Variants in LPIN1 observed in about 807,000 individuals in gnomAD.
LPIN1 encodes the protein lipin 1.
Under a neutral mutation model 107.5 loss-of-function variants are expected in LPIN1, and 71 were observed. The observed-to-expected ratio is 0.66, with a 90% CI of 0.55 to 0.80. LPIN1 has a LOEUF of 0.80. Ranked by LOEUF, LPIN1 falls within the 30% of genes least tolerant of loss-of-function variation. LPIN1 has a pLI of 0.00. For synonymous variants in LPIN1, 445 were observed against 452.6 expected, an observed-to-expected ratio of 0.98 and a Z score of 0.21; for missense variants, 1,043 against 1,160.6, an observed-to-expected ratio of 0.90 and a Z score of 1.47.
At position 11,737,741 on chromosome 2, in the gene LPIN1, T is replaced by C. The variant is rs1434363807; in HGVS notation, c.-71-3608T>C. On this transcript the variant is annotated intron_variant, in intron 1 of 21. Coordinates refer to the LPIN1 transcript ENST00000396097. ...CATCAAAAAGTCAGGAAACAACAGA[T>C]GCTGGAGAGGATGTGGAGAAATAGG... 2.0e-5 allele frequency among the ~76,000 whole-genome samples: 3 copies of C among 152,210 alleles called. No homozygotes were observed. The East Asian group carries it at 5.8e-4, about 29-fold the overall frequency.
chr2:11,784,133 C>A (rs1006241579), intron 9 of LPIN1: 4 of 836,172 alleles, frequency 4.8e-6, no homozygotes, highest in African/African-American at 1.7e-5. Flanking sequence ...GGTGAATCCT[C>A]GTTCTACTGA....
At chr2:11,776,038 C>A (rs1303941189) in intron 5 of LPIN1, 48 bp from the exon 6 acceptor site, 1 of 958,474 alleles carries the variant, frequency 1.0e-6, no homozygotes. Flanking sequence ...ATGTAATTGA[C>A]CTCTGATTTT....
intron 17 of LPIN1, among the ~76,000 whole-genome samples, chr2:11,812,560 G>A (rs1017113645): frequency 1.3e-5 from 2 of 152,196 alleles, no homozygotes; most frequent in African/African-American, 2.4e-5. Context: ...CAGGAGGAAC[G>A]GCATGGGCAA....
intron 14 of LPIN1, among the ~76,000 whole-genome samples, chr2:11,799,436 GTTC>G (rs561001458): frequency 6.1e-4 from 89 of 146,178 alleles, no homozygotes; most frequent in African/African-American, 2.0e-3. Context: ...CTGTAGCCTC[GTTC>G]TTCTTCTGCT....
At chr2:11,779,197 G>C (rs906540613) in intron 6 of LPIN1, among the ~76,000 whole-genome samples, 1 of 152,158 alleles carries the variant, frequency 6.6e-6, no homozygotes, top group Non-Finnish European at 1.5e-5. Context: ...GGGGAAGGGT[G>C]GTCTTTTTGA....
intron 1 of LPIN1, among the ~76,000 whole-genome samples, chr2:11,737,711 G>A (rs1665929234): frequency 6.6e-6 from 1 of 152,208 alleles, no homozygotes; most frequent in African/African-American, 2.4e-5. Context: ...AGTTAGAATG[G>A]CGATCATCAA....
intron 1 of LPIN1, among the ~76,000 whole-genome samples, chr2:11,681,957 G>T (rs1241163891): frequency 6.6e-6 from 1 of 152,186 alleles, no homozygotes; most frequent in Admixed American, 6.5e-5. Flanking sequence ...CCAGGGAAAG[G>T]GTCCACTTCT....
In LPIN1 at chr2:11,760,573, C is replaced by T. The variant is rs371227304; in HGVS notation, c.-9-4960C>T. On this transcript the variant is annotated intron_variant, in intron 1 of 20. Coordinates refer to ENST00000674199, the MANE Select transcript of LPIN1 (RefSeq NM_001349206.2). Reference sequence around the variant, plus strand: ...GCGCACGCCTGCAATCGCAGGCACTCGGCAGGTTGAGGCAGGAGAATCAGG... The same window carrying T: ...GCGCACGCCTGCAATCGCAGGCACTTGGCAGGTTGAGGCAGGAGAATCAGG... Among the ~76,000 whole-genome samples the T allele has an allele frequency of 5.3e-3, 811 of 152,278 alleles. 6 individuals carry two copies. The highest frequency in any genetic ancestry group is 0.01 in the Middle Eastern group (3 of 294).
At chr2:11,781,476 C>A (rs1673561726) in intron 7 of LPIN1, among the ~76,000 whole-genome samples, 1 of 152,190 alleles carries the variant, frequency 6.6e-6, no homozygotes, top group African/African-American at 2.4e-5. Flanking sequence ...CTCTTTTTAG[C>A]CCATGAATTG....
At chr2:11,768,964 A>C (rs1558857228) in intron 3 of LPIN1, among the ~76,000 whole-genome samples, 1 of 151,994 alleles carries the variant, frequency 6.6e-6, no homozygotes, top group African/African-American at 2.4e-5. Flanking sequence ...AACCAAAAAA[A>C]CCCAAAAAAA....
In LPIN1 at chr2:11,804,331, C is replaced by T. The variant is rs867561577; in HGVS notation, c.2014-92C>T. ...CAGGGCAGTCACTTGTTTTTAAAGC[C>T]GAATCCTGCTTCTCATAGAACAGAA... On this transcript the variant is annotated intron_variant, in intron 15 of 20. Coordinates refer to ENST00000674199, the MANE Select transcript of LPIN1 (RefSeq NM_001349206.2). The T allele has an allele frequency of 4.0e-5, 57 of 1,422,724 alleles. No homozygotes were observed. The Middle Eastern group carries it at 1.2e-3, about 31-fold the overall frequency. 88.1% of individuals were successfully genotyped at this position (1,422,724 alleles called of 1,614,324 possible). A position where few individuals can be genotyped will look rare whatever the true frequency, so the allele number is the denominator to read the frequency against.
At chr2:11,690,337 A>G (rs1044320366) in intron 1 of LPIN1, among the ~76,000 whole-genome samples, 3 of 152,152 alleles carry the variant, frequency 2.0e-5, no homozygotes, top group Non-Finnish European at 4.4e-5. Flanking sequence ...ATAGGTCAAC[A>G]GTTGCTTTCC....
chr2:11,690,844 T>G (rs1330221649), intron 1 of LPIN1, among the ~76,000 whole-genome samples: 1 of 152,056 alleles, frequency 6.6e-6, no homozygotes, highest in African/African-American at 2.4e-5. Flanking sequence ...GATATGTTTC[T>G]GTTTCATAAT....
chr2:11,726,144 GC>G (rs1352915405), intron 1 of LPIN1, among the ~76,000 whole-genome samples: 1 of 152,134 alleles, frequency 6.6e-6, no homozygotes, highest in Non-Finnish European at 1.5e-5. Flanking sequence ...CATCATAGAA[GC>G]CCTTTCTACC....
upstream of LPIN1, among the ~76,000 whole-genome samples, chr2:11,720,062 A>G (rs1373364964): frequency 6.6e-6 from 1 of 152,044 alleles, no homozygotes; most frequent in Non-Finnish European, 1.5e-5. Context: ...TGCTGGAGAC[A>G]TTATATATTT....
At chr2:11,689,831 G>C (rs542061582) in intron 1 of LPIN1, among the ~76,000 whole-genome samples, 8 of 152,362 alleles carry the variant, frequency 5.3e-5, no homozygotes, top group African/African-American at 1.7e-4. Context: ...CTTGAACCCG[G>C]GAGGTGGAGG....
intron 1 of LPIN1, among the ~76,000 whole-genome samples, chr2:11,725,780 G>T (rs2148540021): frequency 6.6e-6 from 1 of 152,282 alleles, no homozygotes; most frequent in East Asian, 1.9e-4. Context: ...GAGGCTCCTG[G>T]CAGGGAAACA....
chr2:11,727,813 T>C (rs1451969543), intron 1 of LPIN1, among the ~76,000 whole-genome samples: 2 of 152,208 alleles, frequency 1.3e-5, no homozygotes, highest in Non-Finnish European at 2.9e-5. Context: ...TCAATCCTAG[T>C]ACCCAAATAA....
chr2:11,770,948 G>A (rs1021047677), intron 3 of LPIN1, among the ~76,000 whole-genome samples: 1 of 151,968 alleles, frequency 6.6e-6, no homozygotes, highest in Non-Finnish European at 1.5e-5. Flanking sequence ...CACATTCTCT[G>A]TCTTTCTCTC....
Sources: gnomAD v4.1 joint callset for allele counts (sites outside exome capture counted in the v4.1 genomes callset) on GRCh38, gnomAD v4.1.1 for gene constraint, MANE v1.5 for transcripts, NCBI Gene and HGNC (gene_info 2026-07-23, HGNC 2026-07-21) for gene names.